SLC7A1: variants seen among roughly 807,000 people sequenced by gnomAD.
The protein encoded by SLC7A1 is high affinity cationic amino acid transporter 1.
SLC7A1 carries 10 observed loss-of-function variants against 53.9 expected under a neutral mutation model. The ratio of observed to expected loss-of-function variants is 0.19; its 90% CI spans 0.11 to 0.31. SLC7A1 has a LOEUF of 0.31. SLC7A1 is among the 10% of genes least tolerant of loss of function. The pLI is 1.00. For missense variants in SLC7A1, 525 were observed against 827.2 expected (o/e 0.63, Z 4.48); for synonymous variants, 342 against 338.7 (o/e 1.01, Z -0.11).
At chr13:29,592,763 T>C (rs944797336) in intron 1 of SLC7A1, among the ~76,000 whole-genome samples, 4 of 152,088 alleles carry the variant, frequency 2.6e-5, no homozygotes, top group Non-Finnish European at 2.9e-5. Flanking sequence ...GTCTAAACCC[T>C]GGGGTGGATA....
chr13:29,542,647 A>T (rs181499303), intron 2 of SLC7A1, among the ~76,000 whole-genome samples: 116 of 148,426 alleles, frequency 7.8e-4, no homozygotes, highest in East Asian at 2.0e-4. Context: ...CACACACCGC[A>T]CTCCAGCACT....
At chr13:29,524,493 T>A (rs548178255) in intron 5 of SLC7A1, among the ~76,000 whole-genome samples, 1 of 152,190 alleles carries the variant, frequency 6.6e-6, no homozygotes, top group South Asian at 2.1e-4. Context: ...TCCAGAAGCA[T>A]CTTCTAAACA....
At chr13:29,574,882 GA>G (rs1871349425) in intron 1 of SLC7A1, among the ~76,000 whole-genome samples, 1 of 152,082 alleles carries the variant, frequency 6.6e-6, no homozygotes, top group Admixed American at 6.5e-5. Context: ...CTGACCTCGT[GA>G]TCCACCTGCC....
intron 5 of SLC7A1, among the ~76,000 whole-genome samples, chr13:29,525,040 TC>T (rs530832959): frequency 3.9e-5 from 6 of 152,302 alleles, no homozygotes; most frequent in Admixed American, 3.9e-4. Flanking sequence ...AAGCCCTTGT[TC>T]CCTGATGTAC....
rs34941634 is a variant in SLC7A1, at chr13:29,523,439, C to T, written c.876G>A (p.Ala292=). 1,338 of 1,613,984 alleles carry T rather than the reference C, an allele frequency of 8.3e-4. 2 individuals are homozygous for T. Among genetic ancestry groups the T allele is most frequent in the Admixed American group, 1.1e-3 (69 of 60,036 alleles). The part of the protein sequence containing the change: ...PQKAIPVGIV[A]SLLICFIAYF... ...AGGCGATGAAGCAGATCAAGAGGGA[C>T]GCCACGATCCCCACGGGGATGGCCT... Residue 292 remains alanine (A), a synonymous_variant, in exon 7 of 13, where the codon GCG becomes GCA. Transcript: ENST00000380752.
chr13:29,519,384 C>T, intron 9 of SLC7A1, 63 bp downstream of exon 9: 1 of 955,000 alleles, frequency 1.0e-6, no homozygotes, highest in South Asian at 1.4e-5. Flanking sequence ...CATAGCTGAA[C>T]TGTGAAAAGG....
In SLC7A1 at chr13:29,523,327, C is replaced by T. The variant is rs777226284; in HGVS notation, c.988G>A (p.Val330Met). ...GCGTACTTGGCACCTTCCCAGCCCA[C>T]GTGCTTAAAGGCGTCGGGCAGGGGG... is the stretch of plus-strand genomic sequence containing the variant. Reference protein sequence around the residue: ...NSPLPDAFKHVGWEGAKYAVA... With the variant: ...NSPLPDAFKHMGWEGAKYAVA... Residue 330 changes from valine (V) to methionine (M), a missense_variant, in exon 7 of 13, where the codon GTG (valine) becomes ATG (methionine). By Grantham distance (21) the Val-to-Met change is conservative. Transcript: ENST00000380752. 3 of 1,613,838 alleles carry T rather than the reference C, an allele frequency of 1.9e-6. No homozygotes were observed. The highest frequency in any genetic ancestry group is 1.7e-5 in the Admixed American group (1 of 60,024).
chr13:29,531,023 T>C (rs1487157759), intron 4 of SLC7A1, among the ~76,000 whole-genome samples: 1 of 152,008 alleles, frequency 6.6e-6, no homozygotes, highest in Admixed American at 6.5e-5. Flanking sequence ...GCCCCTCTCA[T>C]AGGGAGGGGA....
intron 5 of SLC7A1, among the ~76,000 whole-genome samples, chr13:29,524,476 C>T (rs1205445295): frequency 3.3e-5 from 5 of 152,160 alleles, no homozygotes; most frequent in African/African-American, 7.2e-5. Flanking sequence ...TGCAGAGTAT[C>T]GCCCCTTCCA....
At chr13:29,535,081 C>G (rs1408460133) in intron 3 of SLC7A1, among the ~76,000 whole-genome samples, 1 of 152,156 alleles carries the variant, frequency 6.6e-6, no homozygotes, top group Non-Finnish European at 1.5e-5. Flanking sequence ...TCAACAAAGG[C>G]CTTAAAAACA....
At chr13:29,543,134 C>T (rs777387747) in intron 2 of SLC7A1, among the ~76,000 whole-genome samples, 1 of 152,030 alleles carries the variant, frequency 6.6e-6, no homozygotes, top group Non-Finnish European at 1.5e-5. Context: ...GCGGGGGGTG[C>T]GAGGCTATGA....
rs2139202229 is a variant in SLC7A1, at chr13:29,595,634, A to C, written c.-333T>G. 6.6e-6 allele frequency: 1 copy of C among 151,082 alleles called. No homozygotes were observed. Among genetic ancestry groups the C allele is most frequent in the South Asian group, 2.0e-4 (1 of 4,918 alleles). 9.4% of individuals were successfully genotyped at this position (151,082 alleles called of 1,614,324 possible). A position where few individuals can be genotyped will look rare whatever the true frequency, so the allele number is the denominator to read the frequency against. ...CCGCTGCTCACACCTGCCTGCGCGG[A>C]CTGAATGGGCGCCGAGGGCTGGCGG... On this transcript the variant is annotated 5_prime_UTR_variant, in exon 1 of 13. Transcript: ENST00000380752.
intron 1 of SLC7A1, among the ~76,000 whole-genome samples, chr13:29,590,870 G>A (rs149868610): frequency 7.1e-4 from 108 of 152,256 alleles, no homozygotes; most frequent in African/African-American, 2.5e-3. Flanking sequence ...TTAGGGAGGC[G>A]AGGCAGGTGG....
intron 5 of SLC7A1, among the ~76,000 whole-genome samples, chr13:29,525,150 C>T (rs1868826313): frequency 6.6e-6 from 1 of 152,222 alleles, no homozygotes; most frequent in Non-Finnish European, 1.5e-5. Flanking sequence ...TCAGGAGGCA[C>T]ATAGCCCCTG....
intron 7 of SLC7A1, 89 bp from the exon 8 acceptor site, chr13:29,522,545 G>A (rs754753110): frequency 8.2e-6 from 12 of 1,459,976 alleles, no homozygotes; most frequent in Non-Finnish European, 1.1e-5. Flanking sequence ...TACCACGGAG[G>A]AGAGGGAGTC....
chr13:29,536,349 C>A, intron 2 of SLC7A1, 147 bp from the exon 3 acceptor site: 1 of 866,246 alleles, frequency 1.2e-6, no homozygotes, highest in Non-Finnish European at 1.8e-6. Context: ...ATTCCACCAT[C>A]AATTGTCAGA....
chr13:29,562,626 A>T (rs1222134812), intron 1 of SLC7A1, among the ~76,000 whole-genome samples: 1 of 152,160 alleles, frequency 6.6e-6, no homozygotes, highest in Non-Finnish European at 1.5e-5. Flanking sequence ...GCCAACTAAC[A>T]TATGCATTAC....
At chr13:29,588,216 G>A (rs9508499) in intron 1 of SLC7A1, among the ~76,000 whole-genome samples, 88,648 of 152,092 alleles carry the variant, frequency 0.58, 30,932 homozygotes, top group Non-Finnish European at 0.79. Flanking sequence ...GGCCTAGATC[G>A]CAGGGTTGTA....
chr13:29,522,484 G>A (rs1224385559), intron 7 of SLC7A1, 28 bp from the exon 8 acceptor site: 1 of 1,613,850 alleles, frequency 6.2e-7, no homozygotes, highest in Non-Finnish European at 8.5e-7. Context: ...AACCGCGTGA[G>A]TGAACCTGGC....
Sources: gnomAD v4.1 joint callset for allele counts (sites outside exome capture counted in the v4.1 genomes callset) on GRCh38, gnomAD v4.1.1 for gene constraint, MANE v1.5 for transcripts, NCBI Gene and HGNC (gene_info 2026-07-23, HGNC 2026-07-21) for gene names.